The following TRAPPC9 variants were observed in gnomAD, a reference collection of about 807,000 sequenced individuals.
The protein encoded by TRAPPC9 is trafficking protein particle complex subunit 9.
A neutral mutation model predicts 124.0 loss-of-function variants in TRAPPC9; 83 were observed. The ratio of observed to expected loss-of-function variants is 0.67; its 90% confidence interval spans 0.56 to 0.80. The LOEUF is 0.80. TRAPPC9 is among the 30% of genes least tolerant of loss of function. TRAPPC9 has a pLI of 0.00. For missense variants in TRAPPC9, 1,302 were observed against 1,508.3 expected, an observed-to-expected ratio of 0.86 and a Z score of 2.27; for synonymous variants, 638 against 617.5, an observed-to-expected ratio of 1.03 and a Z score of -0.49.
intron 9 of TRAPPC9, among the ~76,000 whole-genome samples, chr8:140,351,808 G>C (rs1294361886): frequency 6.6e-6 from 1 of 152,176 alleles, no homozygotes; most frequent in Non-Finnish European, 1.5e-5. Context: ...ATGACCACAT[G>C]ATCTGGTTCT....
chr8:140,330,712 T>C (rs969429093), intron 9 of TRAPPC9, among the ~76,000 whole-genome samples: 1 of 152,150 alleles, frequency 6.6e-6, no homozygotes, highest in Admixed American at 6.5e-5. Context: ...AAGAAGAAAT[T>C]ATATTAAGAA....
At chr8:140,239,694 C>G (rs1234944625) in intron 16 of TRAPPC9, among the ~76,000 whole-genome samples, 1 of 152,220 alleles carries the variant, frequency 6.6e-6, no homozygotes, top group East Asian at 1.9e-4. Context: ...AGCCCCTGGG[C>G]TCTCTGGCCT....
At chr8:139,784,811 C>T (rs915876397) in intron 21 of TRAPPC9, among the ~76,000 whole-genome samples, 4 of 151,556 alleles carry the variant, frequency 2.6e-5, no homozygotes, top group Non-Finnish European at 4.4e-5. Context: ...AAATTATAGA[C>T]GGCTCAAAAA....
At chr8:140,420,696 TA>T (rs1004530955) in intron 5 of TRAPPC9, among the ~76,000 whole-genome samples, 22 of 152,030 alleles carry the variant, frequency 1.4e-4, no homozygotes, top group Admixed American at 2.0e-4. Context: ...ACCTACTGCT[TA>T]AAAAAATGTA....
At chr8:139,793,768 C>T (rs886129060) in intron 21 of TRAPPC9, among the ~76,000 whole-genome samples, 21 of 152,248 alleles carry the variant, frequency 1.4e-4, no homozygotes, top group South Asian at 4.2e-4. Context: ...CACATGGAGA[C>T]CCAGATCCAC....
intron 21 of TRAPPC9, among the ~76,000 whole-genome samples, chr8:139,877,670 C>G (rs1477626615): frequency 6.6e-6 from 1 of 152,188 alleles, no homozygotes; most frequent in East Asian, 1.9e-4. Context: ...GGCATCAGCA[C>G]CCACAGCACA....
chr8:140,390,075 A>G (rs1296276391), intron 7 of TRAPPC9, among the ~76,000 whole-genome samples: 1 of 152,248 alleles, frequency 6.6e-6, no homozygotes, highest in East Asian at 1.9e-4. Context: ...AGGCCGAGGC[A>G]GGTGGATCAT....
chr8:140,294,987 C>A (rs1371175534), intron 11 of TRAPPC9, among the ~76,000 whole-genome samples: 1 of 152,116 alleles, frequency 6.6e-6, no homozygotes, highest in Non-Finnish European at 1.5e-5. Context: ...GGTGGTGGCC[C>A]TTCCTCACTA....
At chr8:140,080,669 C>T (rs1242178733) in intron 17 of TRAPPC9, among the ~76,000 whole-genome samples, 2 of 152,312 alleles carry the variant, frequency 1.3e-5, no homozygotes, top group African/African-American at 4.8e-5. Flanking sequence ...AATCACCTCC[C>T]GCTAGGCCCC....
chr8:139,859,215 G>C (rs150773682), intron 21 of TRAPPC9, among the ~76,000 whole-genome samples: 147 of 151,986 alleles, frequency 9.7e-4, no homozygotes, highest in African/African-American at 3.2e-3. Flanking sequence ...ACGTGCCCCT[G>C]TGTGGCCGTG....
At chr8:139,751,691 T>C (rs986774636) in intron 21 of TRAPPC9, among the ~76,000 whole-genome samples, 3 of 152,092 alleles carry the variant, frequency 2.0e-5, no homozygotes, top group Non-Finnish European at 4.4e-5. Context: ...CATCCACCTA[T>C]CCATCCAGCA....
intron 3 of TRAPPC9, among the ~76,000 whole-genome samples, chr8:140,435,687 A>G (rs2070788669): frequency 6.6e-6 from 1 of 152,208 alleles, no homozygotes. Context: ...CCAAAGCAAG[A>G]CCAGAATGCC....
chr8:140,158,355 G>A (rs145430424), intron 17 of TRAPPC9, among the ~76,000 whole-genome samples: 72 of 152,296 alleles, frequency 4.7e-4, no homozygotes, highest in African/African-American at 1.7e-3. Context: ...AAGGAAGCAG[G>A]AATGTCAGAG....
intron 21 of TRAPPC9, among the ~76,000 whole-genome samples, chr8:139,877,534 C>T (rs1297060424): frequency 2.0e-5 from 3 of 152,192 alleles, no homozygotes; most frequent in African/African-American, 7.2e-5. Flanking sequence ...TGGCCCTGCT[C>T]CTGGCCCAGC....
intron 18 of TRAPPC9, among the ~76,000 whole-genome samples, chr8:140,005,364 C>T (rs144710098): frequency 1.4e-4 from 22 of 152,276 alleles, no homozygotes; most frequent in Admixed American, 8.5e-4. Context: ...GGGGAAGGAA[C>T]GCAGCACACA....
chr8:139,854,602 C>T (rs1827689136), intron 21 of TRAPPC9, among the ~76,000 whole-genome samples: 1 of 152,240 alleles, frequency 6.6e-6, no homozygotes, highest in Admixed American at 6.5e-5. Context: ...AGGAGCTTAA[C>T]CTCTCTGAGC....
At chr8:140,441,031 C>G (rs1432632483) in intron 2 of TRAPPC9, among the ~76,000 whole-genome samples, 1 of 138,724 alleles carries the variant, frequency 7.2e-6, no homozygotes, top group Non-Finnish European at 1.5e-5. Flanking sequence ...CAGGCTGGAG[C>G]CCAGTGGCAC....
In TRAPPC9 at chr8:140,097,588, G is replaced by T. The variant is rs1293156051; in HGVS notation, c.2557-73509C>A. 1 of 152,268 alleles carries T rather than the reference G, an allele frequency of 6.6e-6. No individual in the cohort carries two copies. Among genetic ancestry groups the T allele is most frequent in the Non-Finnish European group, 1.5e-5 (1 of 68,072 alleles). The allele number at this position is 152,268 out of a possible 1,614,324, so 9.4% of individuals were successfully genotyped here. On this transcript the variant is annotated intron_variant, in intron 17 of 22. Coordinates refer to ENST00000438773, the MANE Select transcript of TRAPPC9 (RefSeq NM_001160372.4). The surrounding 1 kb of genome is among the most constrained non-coding windows in gnomAD (Gnocchi z 4.2). ...AGTGTGCAGCCGCAGCTGTGCTGCT[G>T]TCCACACCATAAAAACTCCTGGCCA... is the stretch of plus-strand genomic sequence containing the variant.
intron 21 of TRAPPC9, among the ~76,000 whole-genome samples, chr8:139,749,898 C>A (rs1482043796): frequency 6.6e-6 from 1 of 152,170 alleles, no homozygotes; most frequent in Non-Finnish European, 1.5e-5. Flanking sequence ...CCACAGGCAG[C>A]CTGGAGGTTC....
Sources: allele counts gnomAD v4.1 joint callset (sites outside exome capture counted in the v4.1 genomes callset), GRCh38; gene constraint gnomAD v4.1.1; non-coding constraint Gnocchi (gnomAD v3.1); transcripts MANE v1.5; gene names NCBI Gene and HGNC (gene_info 2026-07-23, HGNC 2026-07-21).